Variants in RSPH14 observed in about 807,000 individuals in gnomAD.
The protein encoded by RSPH14 is radial spoke head 14 homolog.
Under a neutral mutation model 26.7 loss-of-function variants are expected in RSPH14, and 20 were observed. That is an observed-to-expected ratio of 0.75 (90% CI 0.53 to 1.09). The LOEUF is 1.09. RSPH14 is among the 50% of genes least tolerant of loss of function. The pLI, the probability that RSPH14 is intolerant of heterozygous loss-of-function variation, is 0.00. For synonymous variants in RSPH14, 177 were observed against 189.3 expected, an observed-to-expected ratio of 0.93 and a Z score of 0.53; for missense variants, 449 against 457.2, an observed-to-expected ratio of 0.98 and a Z score of 0.16.
intron 4 of RSPH14, among the ~76,000 whole-genome samples, chr22:23,098,416 G>T (rs1034299736): frequency 6.6e-6 from 1 of 152,198 alleles, no homozygotes; most frequent in Non-Finnish European, 1.5e-5. Context: ...GCCCCTGTGG[G>T]GCCTCACATC....
intron 4 of RSPH14, among the ~76,000 whole-genome samples, chr22:23,132,577 A>T (rs1442416179): frequency 6.6e-6 from 1 of 152,160 alleles, no homozygotes; most frequent in African/African-American, 2.4e-5. Flanking sequence ...TATAAATTAA[A>T]ACCAAAATGA....
At chr22:23,081,370 T>C (rs2068673202) in intron 4 of RSPH14, among the ~76,000 whole-genome samples, 2 of 152,364 alleles carry the variant, frequency 1.3e-5, no homozygotes, top group Middle Eastern at 3.4e-3. Context: ...TATGTTTATC[T>C]GAGTTAAGTG....
At chr22:23,123,065 G>C (rs754619376) in intron 4 of RSPH14, 3 of 1,541,416 alleles carry the variant, frequency 1.9e-6, no homozygotes, top group Non-Finnish European at 2.7e-6. Flanking sequence ...CCTGATTAAC[G>C]CCAGTACTTT....
chr22:23,069,067 A>G (rs898249049), intron 4 of RSPH14, among the ~76,000 whole-genome samples: 4 of 152,216 alleles, frequency 2.6e-5, no homozygotes, highest in Non-Finnish European at 5.9e-5. Flanking sequence ...GCAGGTACGT[A>G]ACGCAATGGT....
At chr22:23,103,597 G>A (rs141912172) in intron 4 of RSPH14, among the ~76,000 whole-genome samples, 5 of 152,172 alleles carry the variant, frequency 3.3e-5, no homozygotes, top group South Asian at 2.1e-4. Context: ...GCTCTTCCTC[G>A]GCAGATTTAA....
chr22:23,114,026 C>T (rs1396475372), intron 4 of RSPH14, among the ~76,000 whole-genome samples: 1 of 152,204 alleles, frequency 6.6e-6, no homozygotes, highest in Non-Finnish European at 1.5e-5. Context: ...GGGTGAGAGG[C>T]TTGGCCGGTA....
chr22:23,126,573 G>A (rs76102967), intron 4 of RSPH14, among the ~76,000 whole-genome samples: 2,358 of 152,320 alleles, frequency 0.015, 61 homozygotes, highest in African/African-American at 0.054. Flanking sequence ...CAAGGCCAGC[G>A]CCTCTGACCC....
chr22:23,096,151 C>T (rs372365902), intron 4 of RSPH14: 15 of 1,612,918 alleles, frequency 9.3e-6, no homozygotes, highest in South Asian at 4.4e-5. Flanking sequence ...TGGAGGACAA[C>T]GCGGCCTACT....
the RSPH14 span, among the ~76,000 whole-genome samples, chr22:23,156,957 G>A: frequency 3.3e-5 from 5 of 152,250 alleles, no homozygotes; most frequent in East Asian, 3.9e-4. Context: ...TGGGAGGGGC[G>A]TGGGTCTCCC....
At chr22:23,091,358 A>C (rs2068968627) in intron 4 of RSPH14, among the ~76,000 whole-genome samples, 1 of 152,048 alleles carries the variant, frequency 6.6e-6, no homozygotes, top group African/African-American at 2.4e-5. Context: ...GCACCTATGC[A>C]TACACGCACA....
the RSPH14 span, among the ~76,000 whole-genome samples, chr22:23,173,699 G>A: frequency 6.5e-5 from 9 of 139,464 alleles, no homozygotes; most frequent in South Asian, 1.6e-3. Flanking sequence ...CTTCTTCTCC[G>A]TTATTATTTA....
chr22:23,083,990 A>G (rs2068746918), intron 4 of RSPH14, among the ~76,000 whole-genome samples: 1 of 152,040 alleles, frequency 6.6e-6, no homozygotes, highest in South Asian at 2.1e-4. Context: ...GGTGGGTGGG[A>G]GATGCAGCCA....
intron 4 of RSPH14, among the ~76,000 whole-genome samples, chr22:23,068,214 C>T (rs544789148): frequency 3.9e-5 from 6 of 152,232 alleles, no homozygotes; most frequent in Non-Finnish European, 8.8e-5. Flanking sequence ...CCCTCCCACC[C>T]TATGTCACTG....
In RSPH14 at chr22:23,136,012, T is replaced by C. The variant is rs565622636; in HGVS notation, c.303-1868A>G. The C allele has an allele frequency of 3.5e-4, 76 of 219,332 alleles. 1 individual carries two copies. The allele number at this position is 219,332 out of a possible 1,614,324, so 13.6% of individuals were successfully genotyped here. A position where few individuals can be genotyped will look rare whatever the true frequency, so the allele number is the denominator to read the frequency against. ...ATTTTATTTATTTTATTTATTTATTTATTTTCACTTATGGTGTGTTTTGAA... is the reference window on the plus strand; with the variant it reads ...ATTTTATTTATTTTATTTATTTATTCATTTTCACTTATGGTGTGTTTTGAA... On this transcript the variant is annotated intron_variant, in intron 3 of 6. Transcript: ENST00000216036.
chr22:23,091,498 A>G (rs1473150737), intron 4 of RSPH14, among the ~76,000 whole-genome samples: 1 of 149,230 alleles, frequency 6.7e-6, no homozygotes, highest in African/African-American at 2.5e-5. Flanking sequence ...ACACACAGGG[A>G]CCTATGCATA....
chr22:23,097,754 C>A (rs2069169541), intron 4 of RSPH14, among the ~76,000 whole-genome samples: 1 of 152,256 alleles, frequency 6.6e-6, no homozygotes, highest in African/African-American at 2.4e-5. Context: ...TGAGGCATGG[C>A]CGTGGGCAGA....
At chr22:23,098,958 T>C (rs2069208862) in intron 4 of RSPH14, among the ~76,000 whole-genome samples, 1 of 152,180 alleles carries the variant, frequency 6.6e-6, no homozygotes, top group South Asian at 2.1e-4. Flanking sequence ...CTGGGCCCTG[T>C]CAAAGGCAAG....
the RSPH14 span, among the ~76,000 whole-genome samples, chr22:23,156,633 A>C: frequency 1.3e-5 from 2 of 152,378 alleles, no homozygotes; most frequent in African/African-American, 2.4e-5. Flanking sequence ...AAAGTATCCA[A>C]AACCAGACTC....
intron 2 of RSPH14, among the ~76,000 whole-genome samples, chr22:23,139,670 A>T (rs1488971578): frequency 6.6e-6 from 1 of 152,212 alleles, no homozygotes; most frequent in Non-Finnish European, 1.5e-5. Flanking sequence ...TTATTTATTT[A>T]TTGGGCAACC....
Sources: allele counts gnomAD v4.1 joint callset (sites outside exome capture counted in the v4.1 genomes callset), GRCh38; gene constraint gnomAD v4.1.1; transcripts MANE v1.5; gene names NCBI Gene and HGNC (gene_info 2026-07-23, HGNC 2026-07-21).